The following SMARCA4 variants were observed in gnomAD, a reference collection of about 807,000 sequenced individuals.
The protein encoded by SMARCA4 is SWI/SNF related BAF chromatin remodeling complex subunit ATPase 4.
Under a neutral mutation model 193.9 loss-of-function variants are expected in SMARCA4, and 31 were observed. That is an observed-to-expected ratio of 0.16 (90% CI 0.12 to 0.22). The LOEUF is 0.22. Ranked by LOEUF, SMARCA4 falls within the 10% of genes least tolerant of loss-of-function variation. The pLI is 1.00. For missense variants in SMARCA4, 1,148 were observed against 2,296.0 expected (o/e 0.50, Z 10.22); for synonymous variants, 942 against 933.1 (o/e 1.01, Z -0.17).
Position 10,984,415 on chromosome 19 carries a change from C to A in SMARCA4, c.222+42C>A, listed in dbSNP as rs2145729103. On this transcript the variant is annotated intron_variant, in intron 2 of 34. Transcript: ENST00000344626. This position sits in a 1 kb window ranked among gnomAD's most constrained non-coding sequence, Gnocchi z 4.3. Reference sequence around the variant, plus strand: ...CCGCCTCGCACCTGCGGCCTCTGCCCACTAGGGCTGCAGGCAGCCTCTGGA... The same window carrying A: ...CCGCCTCGCACCTGCGGCCTCTGCCAACTAGGGCTGCAGGCAGCCTCTGGA... 1 of 1,552,380 alleles carries A rather than the reference C, an allele frequency of 6.4e-7. No individual in the cohort carries two copies. The highest frequency in any genetic ancestry group is 8.7e-7 in the Non-Finnish European group (1 of 1,148,258).
chr19:11,051,589 C>A (rs2076263771), intron 30 of SMARCA4, among the ~76,000 whole-genome samples: 1 of 150,542 alleles, frequency 6.6e-6, no homozygotes, highest in Non-Finnish European at 1.5e-5. Flanking sequence ...CTCCTGGGTT[C>A]AAGCAATTCT....
Position 11,019,527 on chromosome 19 carries a change from G to T in SMARCA4, c.2506-64G>T. The T allele has an allele frequency of 1.0e-6, 1 of 993,742 alleles. No individual in the cohort carries two copies. The allele number at this position is 993,742 out of a possible 1,614,324, so 61.6% of individuals were successfully genotyped here. A position where few individuals can be genotyped will look rare whatever the true frequency, so the allele number is the denominator to read the frequency against. On this transcript the variant is annotated intron_variant, in intron 17 of 34. Coordinates refer to ENST00000344626, the MANE Select transcript of SMARCA4 (RefSeq NM_003072.5). The surrounding 1 kb of genome is among the most constrained non-coding windows in gnomAD (Gnocchi z 6.1). The stretch of plus-strand genomic sequence containing the variant: ...CTGGGCAGTTGCAGGGGGTGCCTGT[G>T]CCCCTCTTGCCACCTGGCCACCCGG...
chr19:11,024,798 C>CTGG (rs1312879552), intron 21 of SMARCA4, among the ~76,000 whole-genome samples: 1 of 152,146 alleles, frequency 6.6e-6, no homozygotes, highest in Non-Finnish European at 1.5e-5. Flanking sequence ...GCCCCAGGCC[C>CTGG]CACCTGCCTG....
Position 10,986,093 on chromosome 19 carries a change from C to A in SMARCA4, c.356-96C>A. ...AAGAGAAGGATGCCATTTGGCTGTG[C>A]CCTGTCTCAGAGTAGGAGCTGGTGT... On this transcript the variant is annotated intron_variant, in intron 3 of 34. Transcript: ENST00000344626. The surrounding 1 kb of genome is among the most constrained non-coding windows in gnomAD (Gnocchi z 6.7). 1.9e-6 allele frequency: 2 copies of A among 1,077,010 alleles called. No homozygotes were observed. The highest frequency in any genetic ancestry group is 2.8e-6 in the Non-Finnish European group (2 of 703,146). 66.7% of individuals were successfully genotyped at this position (1,077,010 alleles called of 1,614,324 possible). A position where few individuals can be genotyped will look rare whatever the true frequency, so the allele number is the denominator to read the frequency against.
rs139296214 is a variant in SMARCA4, at chr19:11,002,401, C to T, written c.1813-628C>T. Among the ~76,000 whole-genome samples, 335 of 152,230 alleles carry T rather than the reference C, an allele frequency of 2.2e-3. 11 individuals are homozygous for T. The East Asian group carries it at 0.053, about 24-fold the overall frequency. On this transcript the variant is annotated intron_variant, in intron 11 of 34. Transcript: ENST00000344626. ...GGCTGAGGCAGGAGAATGGCATGAA[C>T]CTGGGAGGTGGAGCTTGCAGTGAGC...
chr19:11,019,365 C>T lies in SMARCA4; in HGVS notation c.2506-226C>T, dbSNP rs544811155. On this transcript the variant is annotated intron_variant, in intron 17 of 34. Coordinates refer to ENST00000344626, the MANE Select transcript of SMARCA4 (RefSeq NM_003072.5). The surrounding 1 kb of genome is among the most constrained non-coding windows in gnomAD (Gnocchi z 6.1). Reference sequence around the variant, plus strand: ...CAGGCTGCGTGGTTCCCTCAGGCCCCGGCCGCCGCTGGCCTGCACTGCTTC... The same window carrying T: ...CAGGCTGCGTGGTTCCCTCAGGCCCTGGCCGCCGCTGGCCTGCACTGCTTC... 39 of 606,384 alleles carry T rather than the reference C, an allele frequency of 6.4e-5. No homozygotes were observed. The highest frequency in any genetic ancestry group is 5.0e-4 in the East Asian group (18 of 36,182). 37.6% of individuals were successfully genotyped at this position (606,384 alleles called of 1,614,324 possible). A position where few individuals can be genotyped will look rare whatever the true frequency, so the allele number is the denominator to read the frequency against.
rs73923299 is a variant in SMARCA4, at chr19:11,012,609, C to T, written c.2275-340C>T. The T allele has an allele frequency of 3.8e-4, 144 of 376,492 alleles. 1 individual carries two copies. The highest frequency in any genetic ancestry group is 2.4e-3 in the East Asian group (39 of 16,564). 23.3% of individuals were successfully genotyped at this position (376,492 alleles called of 1,614,324 possible). A position where few individuals can be genotyped will look rare whatever the true frequency, so the allele number is the denominator to read the frequency against. ...CTTGGTTTCCTGAGTGCAAGTGTCC[C>T]GTGGTGTGGGCAGGTTTTTCCTGTG... On this transcript the variant is annotated intron_variant, in intron 15 of 34. Coordinates refer to ENST00000344626, the MANE Select transcript of SMARCA4 (RefSeq NM_003072.5).
In SMARCA4 at chr19:11,019,354, C is replaced by A; in HGVS notation, c.2506-237C>A. On this transcript the variant is annotated intron_variant, in intron 17 of 34. Coordinates refer to ENST00000344626, the MANE Select transcript of SMARCA4 (RefSeq NM_003072.5). This position sits in a 1 kb window ranked among gnomAD's most constrained non-coding sequence, Gnocchi z 6.1. ...AGATGGCGGTGCAGGCTGCGTGGTT[C>A]CCTCAGGCCCCGGCCGCCGCTGGCC... The A allele has an allele frequency of 1.7e-6, 1 of 605,328 alleles. No individual in the cohort carries two copies. The highest frequency in any genetic ancestry group is 1.9e-5 in the South Asian group (1 of 51,288). The allele number at this position is 605,328 out of a possible 1,614,324, so 37.5% of individuals were successfully genotyped here. A position where few individuals can be genotyped will look rare whatever the true frequency, so the allele number is the denominator to read the frequency against.
At chr19:11,003,637 A>AT (rs1208016358) in intron 13 of SMARCA4, among the ~76,000 whole-genome samples, 1 of 149,832 alleles carries the variant, frequency 6.7e-6, no homozygotes, top group African/African-American at 2.5e-5. Context: ...TTTAAGACTC[A>AT]TTTTCTCTTT....
In SMARCA4 at chr19:11,033,427, G is replaced by A. The variant is rs1427377014; in HGVS notation, c.3684G>A (p.Val1228=). The part of the protein sequence containing the change: ...AKYKLNVDQK[V]IQAGMFDQKS... The stretch of plus-strand genomic sequence containing the variant: ...ACAAGCTCAACGTGGACCAGAAGGT[G>A]ATCCAGGCCGGCATGTTCGACCAGA... Residue 1228 remains valine (V), a synonymous_variant, in exon 26 of 35, where the codon GTG becomes GTA. Coordinates refer to ENST00000344626, the MANE Select transcript of SMARCA4 (RefSeq NM_003072.5). The surrounding 1 kb of genome is among the most constrained non-coding windows in gnomAD (Gnocchi z 9.8). 2.5e-6 allele frequency: 4 copies of A among 1,613,388 alleles called. No individual in the cohort carries two copies. Among genetic ancestry groups the A allele is most frequent in the Non-Finnish European group, 3.4e-6 (4 of 1,180,032 alleles).
chr19:11,044,927 G>A (rs2075814421), intron 30 of SMARCA4, among the ~76,000 whole-genome samples: 1 of 152,168 alleles, frequency 6.6e-6, no homozygotes, highest in Non-Finnish European at 1.5e-5. Flanking sequence ...GATCAGTGGA[G>A]GCCTAATCGT....
chr19:11,010,314 C>G (rs2146229206), intron 14 of SMARCA4, 67 bp from the exon 15 acceptor site: 1 of 1,562,078 alleles, frequency 6.4e-7, no homozygotes, highest in Non-Finnish European at 8.8e-7. Context: ...GAGCTTGTGT[C>G]AGGAGCCAGC....
At chr19:11,006,934 A>C (rs1179723388) in intron 13 of SMARCA4, among the ~76,000 whole-genome samples, 1 of 151,812 alleles carries the variant, frequency 6.6e-6, no homozygotes, top group Non-Finnish European at 1.5e-5. Flanking sequence ...AAAATGCAAA[A>C]CAATTAGCCA....
At position 10,985,923 on chromosome 19, in the gene SMARCA4, C is replaced by T. The variant is rs941510820; in HGVS notation, c.356-266C>T. Reference sequence around the variant, plus strand: ...CGCCTGTGGACAGGCAGGCGGAAGCCGGGAGAGAGCCGTGATTTCATGCAC... The same window carrying T: ...CGCCTGTGGACAGGCAGGCGGAAGCTGGGAGAGAGCCGTGATTTCATGCAC... On this transcript the variant is annotated intron_variant, in intron 3 of 34. Transcript: ENST00000344626. The surrounding 1 kb of genome is among the most constrained non-coding windows in gnomAD (Gnocchi z 4.5). 3.9e-5 allele frequency among the ~76,000 whole-genome samples: 6 copies of T among 152,228 alleles called. No individual in the cohort carries two copies. The South Asian group carries it at 6.2e-4, about 16-fold the overall frequency.
chr19:10,976,097 C>T lies in SMARCA4; in HGVS notation c.-31-8024C>T, dbSNP rs78704514. 3.9e-3 allele frequency among the ~76,000 whole-genome samples: 595 copies of T among 152,290 alleles called. 4 individuals carry two copies. Among genetic ancestry groups the T allele is most frequent in the African/African-American group, 0.013 (542 of 41,568 alleles). On this transcript the variant is annotated intron_variant, in intron 1 of 34. Transcript: ENST00000344626. ...GAGGGCCCCATTGCAGGACTCTAAG[C>T]GGCACCGTGTAAGACACCTTAGGGA...
chr19:11,034,014 G>C lies in SMARCA4; in HGVS notation c.3874-109G>C. The C allele has an allele frequency of 1.2e-6, 1 of 846,300 alleles. No individual in the cohort carries two copies. The highest frequency in any genetic ancestry group is 2.1e-6 in the Non-Finnish European group (1 of 487,528). 52.4% of individuals were successfully genotyped at this position (846,300 alleles called of 1,614,324 possible). The stretch of plus-strand genomic sequence containing the variant: ...GTGTGGGTCCCCATCCACCGCAGCC[G>C]TGCCGGGACCACCAGCTCATTCCCA... On this transcript the variant is annotated intron_variant, in intron 27 of 34. Coordinates refer to ENST00000344626, the MANE Select transcript of SMARCA4 (RefSeq NM_003072.5). This position sits in a 1 kb window ranked among gnomAD's most constrained non-coding sequence, Gnocchi z 7.0.
intron 30 of SMARCA4, among the ~76,000 whole-genome samples, chr19:11,046,820 G>A (rs2075951690): frequency 6.6e-6 from 1 of 152,048 alleles, no homozygotes; most frequent in South Asian, 2.1e-4. Context: ...GCCAGGCGTG[G>A]TGGTGCACTC....
chr19:11,039,396 G>A, intron 29 of SMARCA4: 2 of 921,924 alleles, frequency 2.2e-6, no homozygotes, highest in Non-Finnish European at 3.3e-6. Context: ...AACAAGGGGA[G>A]GCTAAATTAG....
chr19:10,984,045 T>C lies in SMARCA4; in HGVS notation c.-31-76T>C, dbSNP rs748080422. 1.0e-5 allele frequency: 11 copies of C among 1,104,670 alleles called. No homozygotes were observed. The highest frequency in any genetic ancestry group is 1.4e-5 in the Non-Finnish European group (10 of 731,222). The allele number at this position is 1,104,670 out of a possible 1,614,324, so 68.4% of individuals were successfully genotyped here. On this transcript the variant is annotated intron_variant, in intron 1 of 34. Coordinates refer to ENST00000344626, the MANE Select transcript of SMARCA4 (RefSeq NM_003072.5). This position sits in a 1 kb window ranked among gnomAD's most constrained non-coding sequence, Gnocchi z 4.3. Reference sequence around the variant, plus strand: ...TGGGATGTAGATTCTGATGTGACCGTATGATTGTCCCTTGCTATCCCTGTC... The same window carrying C: ...TGGGATGTAGATTCTGATGTGACCGCATGATTGTCCCTTGCTATCCCTGTC...
Sources: allele counts gnomAD v4.1 joint callset (sites outside exome capture counted in the v4.1 genomes callset), GRCh38; gene constraint gnomAD v4.1.1; non-coding constraint Gnocchi (gnomAD v3.1); transcripts MANE v1.5; gene names NCBI Gene and HGNC (gene_info 2026-07-23, HGNC 2026-07-21).